Variants in GRM5 observed in about 807,000 individuals in gnomAD.
GRM5 encodes metabotropic glutamate receptor 5.
In GRM5, 19 loss-of-function variants were observed where a neutral mutation model predicts 83.1. The observed-to-expected ratio is 0.23, with a 90% CI of 0.16 to 0.34. The LOEUF is 0.34. Ranked by LOEUF, GRM5 falls within the 10% of genes least tolerant of loss-of-function variation. GRM5 has a pLI of 1.00. For synonymous variants in GRM5, 675 were observed against 633.6 expected (o/e 1.07, Z -0.98); for missense variants, 1,160 against 1,588.3 (o/e 0.73, Z 4.58).
chr11:89,013,964 A>T (rs1027556816), intron 2 of GRM5, among the ~76,000 whole-genome samples: 16 of 152,230 alleles, frequency 1.1e-4, no homozygotes, highest in African/African-American at 3.9e-4. Flanking sequence ...TTTGAAAAGT[A>T]TGGAAAGACT....
chr11:88,809,412 G>A (rs755487), intron 3 of GRM5, among the ~76,000 whole-genome samples: 4 of 152,076 alleles, frequency 2.6e-5, no homozygotes, highest in Non-Finnish European at 4.4e-5. Flanking sequence ...GATGGTGGCA[G>A]AGGAGTGTAG....
At chr11:88,912,529 A>C (rs369323936) in intron 2 of GRM5, among the ~76,000 whole-genome samples, 3 of 108,004 alleles carry the variant, frequency 2.8e-5, no homozygotes, top group South Asian at 6.9e-4. Context: ...ATATGCATGC[A>C]TGTGTATGTG....
At chr11:88,814,384 C>T (rs1232716687) in intron 3 of GRM5, among the ~76,000 whole-genome samples, 1 of 152,062 alleles carries the variant, frequency 6.6e-6, no homozygotes, top group African/African-American at 2.4e-5. Flanking sequence ...TTATCAGTAC[C>T]TGAATGTGAG....
chr11:88,842,753 T>C (rs1272977451), intron 3 of GRM5, among the ~76,000 whole-genome samples: 1 of 152,206 alleles, frequency 6.6e-6, no homozygotes, highest in Non-Finnish European at 1.5e-5. Context: ...AATTCCTCTC[T>C]TAATTTTAAC....
chr11:88,660,264 T>C lies in GRM5; in HGVS notation c.912-6861A>G, dbSNP rs187611842. ...TCACTGAATTATCATTTACTGAAAA[T>C]CACATTCCTTTCTTGCCTCCCTAAG... On this transcript the variant is annotated intron_variant, in intron 3 of 9. Transcript: ENST00000305447. Among the ~76,000 whole-genome samples the C allele has an allele frequency of 9.6e-4, 147 of 152,344 alleles. 1 individual carries two copies. Among genetic ancestry groups the C allele is most frequent in the Admixed American group, 9.6e-3 (147 of 15,286 alleles).
chr11:89,031,123 G>A (rs1273214299), intron 2 of GRM5, among the ~76,000 whole-genome samples: 1 of 151,804 alleles, frequency 6.6e-6, no homozygotes, highest in Non-Finnish European at 1.5e-5. Context: ...ATATTTTGTA[G>A]GACAAAAACT....
chr11:88,849,359 A>G (rs1039730230), intron 3 of GRM5, among the ~76,000 whole-genome samples: 1 of 152,218 alleles, frequency 6.6e-6, no homozygotes, highest in African/African-American at 2.4e-5. Flanking sequence ...TTATCCAGAT[A>G]ATTAAAGTCA....
chr11:89,055,596 A>G (rs1941855461), intron 1 of GRM5, among the ~76,000 whole-genome samples: 1 of 152,100 alleles, frequency 6.6e-6, no homozygotes, highest in East Asian at 1.9e-4. Context: ...ATTCAACAAA[A>G]TGTCACTCAA....
At chr11:88,835,163 T>C (rs1944070673) in intron 3 of GRM5, among the ~76,000 whole-genome samples, 1 of 152,152 alleles carries the variant, frequency 6.6e-6, no homozygotes, top group Admixed American at 6.5e-5. Context: ...TCTGTGGAAG[T>C]CTTACTGGAG....
At chr11:88,644,162 C>T (rs1037074164) in intron 4 of GRM5, among the ~76,000 whole-genome samples, 10 of 152,172 alleles carry the variant, frequency 6.6e-5, no homozygotes, top group East Asian at 3.9e-4. Context: ...GATTTTGTAA[C>T]GGCAACAGTT....
At chr11:88,687,523 CACATACAT>C (rs1235591764) in intron 3 of GRM5, among the ~76,000 whole-genome samples, 26 of 30,082 alleles carry the variant, frequency 8.6e-4, no homozygotes, top group East Asian at 7.4e-3. Flanking sequence ...CACACACACA[CACATACAT>C]ATATATACAC....
At chr11:88,723,366 T>G (rs1255112876) in intron 3 of GRM5, among the ~76,000 whole-genome samples, 2 of 152,116 alleles carry the variant, frequency 1.3e-5, no homozygotes, top group Non-Finnish European at 2.9e-5. Context: ...TGTGTGGGCA[T>G]AAGTTTTCAG....
intron 2 of GRM5, among the ~76,000 whole-genome samples, chr11:88,893,714 A>G (rs1389783412): frequency 1.3e-5 from 2 of 151,990 alleles, no homozygotes; most frequent in Non-Finnish European, 2.9e-5. Context: ...TGAACAACAC[A>G]TGGATGCATC....
chr11:88,509,521 G>T lies in GRM5; in HGVS notation c.2727-17C>A, dbSNP rs546083350. ...CCATTGGAACTGAGGAGAGAAGGGA[G>T]AGGAAAGGTGACTCAGCGAGGTGCC... On this transcript the variant is annotated splice_polypyrimidine_tract_variant and intron_variant, in intron 9 of 9. Coordinates refer to ENST00000305447, the MANE Select transcript of GRM5 (RefSeq NM_001143831.3). 2 of 1,597,814 alleles carry T rather than the reference G, an allele frequency of 1.3e-6. No homozygotes were observed. The highest frequency in any genetic ancestry group is 2.2e-5 in the South Asian group (2 of 89,554).
intron 2 of GRM5, among the ~76,000 whole-genome samples, chr11:88,884,554 A>C (rs995553955): frequency 2.0e-5 from 3 of 152,140 alleles, no homozygotes; most frequent in African/African-American, 7.2e-5. Context: ...TTGTGTTTTG[A>C]AATGTGAAAG....
At chr11:88,900,145 C>T (rs192629528) in intron 2 of GRM5, among the ~76,000 whole-genome samples, 4 of 152,054 alleles carry the variant, frequency 2.6e-5, no homozygotes, top group South Asian at 2.1e-4. Flanking sequence ...TAGCTTCTAC[C>T]GTAGATTGAT....
intron 3 of GRM5, among the ~76,000 whole-genome samples, chr11:88,670,387 A>C (rs117190337): frequency 0.019 from 2,851 of 152,126 alleles, 66 homozygotes; most frequent in East Asian, 0.096. Context: ...AATTGTTAAA[A>C]GTATCTATAA....
rs1943281205 is a variant in GRM5 at position 88,796,681 on chromosome 11, TG to T, written c.911+53224del. On this transcript the variant is annotated intron_variant, in intron 3 of 9. Transcript: ENST00000305447. ...TCTGCCATGGATCCTGCATTATATA[TG>T]TCTTATAAATAGGCTAAAATGATTT... Among the ~76,000 whole-genome samples the T allele has an allele frequency of 2.0e-5, 3 of 152,282 alleles. No individual in the cohort carries two copies. The South Asian group carries it at 6.2e-4, about 32-fold the overall frequency.
At chr11:88,516,802 G>C (rs1941532640) in intron 9 of GRM5, among the ~76,000 whole-genome samples, 2 of 151,896 alleles carry the variant, frequency 1.3e-5, no homozygotes, top group Admixed American at 1.3e-4. Context: ...GAATTCTTGG[G>C]ATGCTGAGCA....
Sources: allele counts gnomAD v4.1 joint callset (sites outside exome capture counted in the v4.1 genomes callset), GRCh38; gene constraint gnomAD v4.1.1; transcripts MANE v1.5; gene names NCBI Gene and HGNC (gene_info 2026-07-23, HGNC 2026-07-21).